Variants in VWF observed in about 807,000 individuals in gnomAD.
VWF encodes Factor VIII related antigen.
In VWF, 176 loss-of-function variants were observed where a neutral mutation model predicts 308.6. The ratio of observed to expected loss-of-function variants is 0.57; its 90% CI spans 0.50 to 0.65. The LOEUF (loss-of-function observed/expected upper bound fraction) is 0.65, where lower values mean the gene tolerates loss of function less well. VWF is among the 30% of genes least tolerant of loss of function. The pLI is 0.00. For synonymous variants in VWF, 1,385 were observed against 1,443.4 expected (o/e 0.96, Z 0.92); for missense variants, 3,146 against 3,648.2 (o/e 0.86, Z 3.55).
intron 34 of VWF, among the ~76,000 whole-genome samples, chr12:6,003,076 T>G (rs545647855): frequency 1.3e-5 from 2 of 152,150 alleles, no homozygotes; most frequent in African/African-American, 4.8e-5. Context: ...GTCTTAAAAA[T>G]TATCAAAGAG....
At chr12:5,996,691 C>T (rs1158432323) in intron 34 of VWF, among the ~76,000 whole-genome samples, 1 of 133,660 alleles carries the variant, frequency 7.5e-6, no homozygotes, top group Admixed American at 8.5e-5. Context: ...GGTAATGGTA[C>T]AAGTGACCAT....
chr12:6,029,887 C>G (rs1944239425), intron 21 of VWF, among the ~76,000 whole-genome samples: 1 of 152,228 alleles, frequency 6.6e-6, no homozygotes, highest in African/African-American at 2.4e-5. Flanking sequence ...ATCTATTCCT[C>G]TATAAAAATA....
intron 18 of VWF, among the ~76,000 whole-genome samples, chr12:6,042,984 A>G (rs969490449): frequency 2.0e-5 from 3 of 152,182 alleles, no homozygotes; most frequent in Non-Finnish European, 4.4e-5. Flanking sequence ...AAGAGCAATA[A>G]GGAAGATTCC....
At position 5,969,210 on chromosome 12, in the gene VWF, C is replaced by A. The variant is rs760277526; in HGVS notation, c.7729+1G>T. 6.2e-7 allele frequency: 1 copy of A among 1,611,986 alleles called. No individual in the cohort carries two copies. The highest frequency in any genetic ancestry group is 8.5e-7 in the Non-Finnish European group (1 of 1,178,994). On this transcript the variant is annotated splice_donor_variant, in intron 45 of 51. Coordinates refer to ENST00000261405, the MANE Select transcript of VWF (RefSeq NM_000552.5). LOFTEE classifies it high-confidence loss of function. ...GCCCAGCCCCAGCCTGCATGCCTTA[C>A]CACAGCGACAGCTTGGGCAGCACGC...
At chr12:6,108,334 TACACACAC>T (rs34140032) in intron 5 of VWF, among the ~76,000 whole-genome samples, 161 of 124,194 alleles carry the variant, frequency 1.3e-3, no homozygotes, top group African/African-American at 4.0e-3. Flanking sequence ...AAGAAATATA[TACACACAC>T]ACACACACAC....
rs980131 is a variant in VWF at position 6,060,032 on chromosome 12, T to C, written c.1534-1988A>G. On this transcript the variant is annotated intron_variant, in intron 13 of 51. Transcript: ENST00000261405. The surrounding 1 kb of genome is among the most constrained non-coding windows in gnomAD (Gnocchi z 5.1). ...CACCAAGCCAGCCATCACTCCCATG[T>C]CCCACTCTAAAACCAGGTCTTCTCC... Among the ~76,000 whole-genome samples, 97,955 of 151,284 alleles carry C rather than the reference T, an allele frequency of 0.65. 32,032 individuals are homozygous for C. The highest frequency in any genetic ancestry group is 0.75 in the East Asian group (3,851 of 5,112).
intron 34 of VWF, among the ~76,000 whole-genome samples, chr12:6,000,373 T>C (rs1943857253): frequency 6.6e-6 from 1 of 152,218 alleles, no homozygotes; most frequent in Non-Finnish European, 1.5e-5. Flanking sequence ...GAGCAGCATT[T>C]TTCAGAAATT....
chr12:6,103,501 CACGTATATATATACACACAT>C (rs1347381939), intron 5 of VWF, among the ~76,000 whole-genome samples: 4 of 119,014 alleles, frequency 3.4e-5, no homozygotes, highest in African/African-American at 2.0e-4. Context: ...TGTATACACA[CACGTATATATATACACACAT>C]ATGTGTATAT....
chr12:5,963,736 G>C (rs1045709798), intron 47 of VWF, among the ~76,000 whole-genome samples: 5 of 152,162 alleles, frequency 3.3e-5, no homozygotes, highest in African/African-American at 9.7e-5. Context: ...AGGGCAAGTG[G>C]TGCAATCATA....
At chr12:6,067,932 G>A (rs932632915) in intron 10 of VWF, among the ~76,000 whole-genome samples, 26 of 151,994 alleles carry the variant, frequency 1.7e-4, no homozygotes, top group Admixed American at 3.9e-4. Flanking sequence ...TCAGGAGTTC[G>A]AGACCAGCCT....
rs1206029691 is a variant in VWF, at chr12:6,053,604, G to C, written c.1946-821C>G. ...ACAAGCCAGAAGGAAGTGTAGCAAA[G>C]TGGCAACGCAGCTAAGGGAACGGGC... On this transcript the variant is annotated intron_variant, in intron 15 of 51. Coordinates refer to ENST00000261405, the MANE Select transcript of VWF (RefSeq NM_000552.5). Among the ~76,000 whole-genome samples the C allele has an allele frequency of 2.6e-5, 4 of 152,184 alleles. No homozygotes were observed. In the East Asian group the frequency reaches 7.7e-4, roughly 29 times the overall value.
chr12:6,121,629 C>G (rs1321470756), intron 2 of VWF, among the ~76,000 whole-genome samples: 1 of 152,098 alleles, frequency 6.6e-6, no homozygotes, highest in African/African-American at 2.4e-5. Context: ...TTGGGGCATA[C>G]AGAAGAAAAC....
rs1353102739 is a variant in VWF at position 5,949,101 on chromosome 12, G to T, written c.8356C>A (p.Leu2786Met). 6.2e-7 allele frequency: 1 copy of T among 1,614,230 alleles called. No homozygotes were observed. Among genetic ancestry groups the T allele is most frequent in the Admixed American group, 1.7e-5 (1 of 60,032 alleles). ...ACAACAGAGCCATTGGTGCAGTGCA[G>T]GGCCACCTGCATGGGCTCCGTCCGT... ...PTRTEPMQVA[L>M]HCTNGSVVYH... is the part of the protein sequence containing the mutation. Residue 2786 changes from leucine (L) to methionine (M), a missense_variant, in exon 52 of 52, where the codon CTG (leucine) becomes ATG (methionine). Leu to Met is a conservative substitution (Grantham distance 15). Coordinates refer to ENST00000261405, the MANE Select transcript of VWF (RefSeq NM_000552.5).
chr12:6,039,278 C>G (rs1944371062), intron 18 of VWF, among the ~76,000 whole-genome samples: 2 of 152,218 alleles, frequency 1.3e-5, no homozygotes, highest in South Asian at 4.1e-4. Context: ...AGGGGTCAGG[C>G]TGAGAACGTG....
At chr12:6,107,570 C>G (rs1325259015) in intron 5 of VWF, among the ~76,000 whole-genome samples, 1 of 152,108 alleles carries the variant, frequency 6.6e-6, no homozygotes, top group Non-Finnish European at 1.5e-5. Context: ...AATAGCTATA[C>G]TAATATCAGA....
At chr12:6,072,251 G>T in intron 9 of VWF, 80 bp downstream of exon 9, 2 of 1,341,358 alleles carry the variant, frequency 1.5e-6, no homozygotes, top group South Asian at 1.2e-5. Flanking sequence ...TTTTCCACCT[G>T]CCACCACCCC....
chr12:6,095,731 G>A, intron 5 of VWF, 147 bp from the exon 6 acceptor site: 5 of 1,126,528 alleles, frequency 4.4e-6, no homozygotes, highest in Admixed American at 2.1e-5. Flanking sequence ...TCCCAGGCTG[G>A]AGTGCAGCGG....
intron 6 of VWF, among the ~76,000 whole-genome samples, chr12:6,083,562 C>T (rs1049638110): frequency 2.0e-5 from 3 of 151,942 alleles, no homozygotes; most frequent in Admixed American, 2.0e-4. Context: ...GAGACTCCGT[C>T]GCAAAAAACA....
At position 6,075,928 on chromosome 12, in the gene VWF, G is replaced by A. The variant is rs949384458; in HGVS notation, c.658-377C>T. On this transcript the variant is annotated intron_variant, in intron 6 of 51. Coordinates refer to ENST00000261405, the MANE Select transcript of VWF (RefSeq NM_000552.5). The surrounding 1 kb of genome is among the most constrained non-coding windows in gnomAD (Gnocchi z 4.7). Reference sequence around the variant, plus strand: ...CAGGAATGCTGTCAGCATCGGTTCTGCACTGACCTGTTCAGCTCCCCTCCC... The same window carrying A: ...CAGGAATGCTGTCAGCATCGGTTCTACACTGACCTGTTCAGCTCCCCTCCC... Among the ~76,000 whole-genome samples, 1 of 152,198 alleles carries A rather than the reference G, an allele frequency of 6.6e-6. No individual in the cohort carries two copies. The highest frequency in any genetic ancestry group is 1.9e-4 in the East Asian group (1 of 5,196).
Sources: allele counts gnomAD v4.1 joint callset (sites outside exome capture counted in the v4.1 genomes callset), GRCh38; gene constraint gnomAD v4.1.1; non-coding constraint Gnocchi (gnomAD v3.1); transcripts MANE v1.5; gene names NCBI Gene and HGNC (gene_info 2026-07-23, HGNC 2026-07-21).